ATG5: variants seen among roughly 807,000 people sequenced by gnomAD.
ATG5 encodes autophagy related 5.
In ATG5, 14 loss-of-function variants were observed where a neutral mutation model predicts 36.5. The ratio of observed to expected loss-of-function variants is 0.38; its 90% confidence interval spans 0.25 to 0.60. The LOEUF (loss-of-function observed/expected upper bound fraction) is 0.60, where lower values mean the gene tolerates loss of function less well. Ranked by LOEUF, ATG5 falls within the 20% of genes least tolerant of loss-of-function variation. The pLI, the probability that ATG5 is intolerant of heterozygous loss-of-function variation, is 0.60. For synonymous variants in ATG5, 95 were observed against 101.5 expected, an observed-to-expected ratio of 0.94 and a Z score of 0.38; for missense variants, 195 against 326.7, an observed-to-expected ratio of 0.60 and a Z score of 3.11.
chr6:106,265,168 C>CAAAAAAAA (rs748718301), intron 5 of ATG5, among the ~76,000 whole-genome samples: 1 of 56,734 alleles, frequency 1.8e-5, no homozygotes, highest in Non-Finnish European at 3.8e-5. Flanking sequence ...AAATGGAAAG[C>CAAAAAAAA]AAAAAAAAAA....
intron 6 of ATG5, among the ~76,000 whole-genome samples, chr6:106,212,594 G>T (rs1169602026): frequency 6.6e-6 from 1 of 152,114 alleles, no homozygotes; most frequent in Non-Finnish European, 1.5e-5. Flanking sequence ...AGCTGACACC[G>T]TCCCACTGCA....
At chr6:106,295,757 T>C (rs1769900185) in intron 3 of ATG5, among the ~76,000 whole-genome samples, 1 of 151,952 alleles carries the variant, frequency 6.6e-6, no homozygotes, top group Admixed American at 6.6e-5. Context: ...AGAGATAGTG[T>C]CCAACTATGT....
At position 106,297,966 on chromosome 6, in the gene ATG5, T is replaced by C. The variant is rs966540365; in HGVS notation, c.237-4860A>G. 2.7e-4 allele frequency among the ~76,000 whole-genome samples: 23 copies of C among 86,640 alleles called. No individual in the cohort carries two copies. In the South Asian group the frequency reaches 3.8e-3, roughly 14 times the overall value. The allele number at this position is 86,640 out of a possible 152,430, so 56.8% of individuals were successfully genotyped here. A position where few individuals can be genotyped will look rare whatever the true frequency, so the allele number is the denominator to read the frequency against. On this transcript the variant is annotated intron_variant, in intron 3 of 7. Transcript: ENST00000369076. ...CAGAGGGAGACCCTGTCAAAATCTA[T>C]TTTTTTTTTTTTTTTTGAGACAGAG...
At chr6:106,290,783 C>T (rs1003450860) in intron 4 of ATG5, among the ~76,000 whole-genome samples, 3 of 152,166 alleles carry the variant, frequency 2.0e-5, no homozygotes, top group African/African-American at 4.8e-5. Context: ...CACTGATTTA[C>T]GCATTCCAAA....
chr6:106,216,637 T>C (rs954752785), intron 6 of ATG5, among the ~76,000 whole-genome samples: 15 of 152,130 alleles, frequency 9.9e-5, no homozygotes, highest in African/African-American at 3.6e-4. Flanking sequence ...GTGATGAAAA[T>C]GTTCTGAAAT....
intron 6 of ATG5, among the ~76,000 whole-genome samples, chr6:106,245,871 C>T (rs954939775): frequency 1.3e-5 from 2 of 152,026 alleles, no homozygotes; most frequent in East Asian, 3.9e-4. Flanking sequence ...CACAACCATA[C>T]AAACTAATCA....
chr6:106,238,035 C>G (rs985996342), intron 6 of ATG5, among the ~76,000 whole-genome samples: 3 of 152,196 alleles, frequency 2.0e-5, no homozygotes, highest in Non-Finnish European at 4.4e-5. Flanking sequence ...AGTGATCTGT[C>G]TTTAACATAC....
chr6:106,258,270 G>A (rs1439881946), intron 5 of ATG5, among the ~76,000 whole-genome samples: 1 of 151,886 alleles, frequency 6.6e-6, no homozygotes. Flanking sequence ...TTGGGAGACT[G>A]ATATGGGAAG....
At chr6:106,306,124 A>T (rs973370630) in intron 3 of ATG5, among the ~76,000 whole-genome samples, 12 of 152,234 alleles carry the variant, frequency 7.9e-5, no homozygotes, top group Admixed American at 5.9e-4. Flanking sequence ...AGCTCTCTAA[A>T]AGGGAAAAGA....
chr6:106,186,767 A>T, intron 7 of ATG5, 91 bp from the exon 8 acceptor site: 1 of 1,411,098 alleles, frequency 7.1e-7, no homozygotes, highest in South Asian at 1.3e-5. Flanking sequence ...TAGTGCATTA[A>T]ATGGATTTTA....
At chr6:106,295,305 A>T (rs996005065) in intron 3 of ATG5, among the ~76,000 whole-genome samples, 2 of 152,238 alleles carry the variant, frequency 1.3e-5, no homozygotes, top group African/African-American at 4.8e-5. Flanking sequence ...CTTGGATTTC[A>T]TTAAAAAGAC....
chr6:106,244,029 C>T (rs924041335), intron 6 of ATG5, among the ~76,000 whole-genome samples: 2 of 150,160 alleles, frequency 1.3e-5, no homozygotes, highest in Non-Finnish European at 3.0e-5. Flanking sequence ...ACTCTCCTAC[C>T]TCAGCCTCCC....
At chr6:106,280,340 T>C (rs563267515) in intron 4 of ATG5, among the ~76,000 whole-genome samples, 52 of 151,154 alleles carry the variant, frequency 3.4e-4, no homozygotes, top group Non-Finnish European at 6.2e-4. Flanking sequence ...AAGGACTTGC[T>C]ACATGAATGT....
chr6:106,201,624 A>T (rs1333014211), intron 7 of ATG5: 2 of 154,518 alleles, frequency 1.3e-5, no homozygotes, highest in Non-Finnish European at 2.9e-5. Flanking sequence ...AAAATGAGAA[A>T]ATTATTTTTA....
intron 6 of ATG5, among the ~76,000 whole-genome samples, chr6:106,231,538 A>C (rs1212948741): frequency 6.6e-6 from 1 of 152,140 alleles, no homozygotes; most frequent in Non-Finnish European, 1.5e-5. Flanking sequence ...AACTAGAAAG[A>C]AGCCTGTGAG....
intron 7 of ATG5, among the ~76,000 whole-genome samples, chr6:106,194,003 TAAC>T (rs2114323304): frequency 1.3e-5 from 2 of 152,314 alleles, no homozygotes; most frequent in East Asian, 3.9e-4. Context: ...GAGATTAAGA[TAAC>T]AATAATTCAG....
intron 6 of ATG5, chr6:106,217,620 C>T (rs1228918614): frequency 3.9e-5 from 6 of 152,146 alleles, no homozygotes; most frequent in Non-Finnish European, 7.4e-5. Flanking sequence ...GGAAGAGAAA[C>T]GCCATAGTAA....
At chr6:106,228,414 G>T (rs188737513) in intron 6 of ATG5, among the ~76,000 whole-genome samples, 5 of 152,188 alleles carry the variant, frequency 3.3e-5, no homozygotes, top group Admixed American at 3.3e-4. Context: ...CTAAGTGCCC[G>T]GGTTCATCCT....
intron 5 of ATG5, among the ~76,000 whole-genome samples, chr6:106,272,138 T>C (rs1779476537): frequency 6.6e-6 from 1 of 152,232 alleles, no homozygotes; most frequent in Admixed American, 6.5e-5. Flanking sequence ...ATAATACATA[T>C]CACCACTGGT....
Sources: gnomAD v4.1 joint callset for allele counts (sites outside exome capture counted in the v4.1 genomes callset) on GRCh38, gnomAD v4.1.1 for gene constraint, MANE v1.5 for transcripts, NCBI Gene and HGNC (gene_info 2026-07-23, HGNC 2026-07-21) for gene names.